Variants in FTCDNL1 observed in about 807,000 individuals in gnomAD.
The protein encoded by FTCDNL1 is formiminotransferase N-terminal subdomain-containing protein.
In FTCDNL1, 11 loss-of-function variants were observed where a neutral mutation model predicts 5.9. The ratio of observed to expected loss-of-function variants is 1.87; its 90% confidence interval spans 1.18 to 3.10. The LOEUF is 3.10. FTCDNL1 is among the 30% of genes most tolerant of loss of function. FTCDNL1 has a pLI of 0.00. For synonymous variants in FTCDNL1, 58 were observed against 24.8 expected, an observed-to-expected ratio of 2.34 and a Z score of -3.99; for missense variants, 115 against 65.5, an observed-to-expected ratio of 1.76 and a Z score of -2.61.
intron 3 of FTCDNL1, among the ~76,000 whole-genome samples, chr2:199,842,497 TGTGTGA>T (rs2076617295): frequency 6.6e-6 from 1 of 152,206 alleles, no homozygotes; most frequent in Non-Finnish European, 1.5e-5. Flanking sequence ...TGCAAAATTA[TGTGTGA>T]GTGTATGTCT....
intron 4 of FTCDNL1, among the ~76,000 whole-genome samples, chr2:199,815,843 A>G (rs566938300): frequency 6.6e-6 from 1 of 152,150 alleles, no homozygotes; most frequent in Admixed American, 6.5e-5. Context: ...CTACTAAAAT[A>G]CAAAAAATTA....
intron 3 of FTCDNL1, among the ~76,000 whole-genome samples, chr2:199,784,550 C>A (rs1327099117): frequency 6.6e-6 from 1 of 152,090 alleles, no homozygotes; most frequent in Non-Finnish European, 1.5e-5. Flanking sequence ...AAAAACAATA[C>A]CTGTCGGGGT....
At chr2:199,707,185 T>C in the FTCDNL1 span, among the ~76,000 whole-genome samples, 1 of 152,224 alleles carries the variant, frequency 6.6e-6, no homozygotes, top group East Asian at 1.9e-4. Context: ...CACTTGGCCA[T>C]GGGGCATAGA....
At chr2:199,828,208 TTTTA>T (rs759546038) in intron 3 of FTCDNL1, among the ~76,000 whole-genome samples, 6 of 152,234 alleles carry the variant, frequency 3.9e-5, no homozygotes, top group Admixed American at 6.5e-5. Flanking sequence ...TACCAAGCTA[TTTTA>T]TTTGTGATAT....
At chr2:199,832,864 C>T (rs141036928) in intron 3 of FTCDNL1, among the ~76,000 whole-genome samples, 3 of 152,104 alleles carry the variant, frequency 2.0e-5, no homozygotes, top group Non-Finnish European at 4.4e-5. Flanking sequence ...TTTACAGATA[C>T]AAAAACTCTT....
chr2:199,744,959 A>G, the FTCDNL1 span, among the ~76,000 whole-genome samples: 1 of 152,120 alleles, frequency 6.6e-6, no homozygotes, highest in Non-Finnish European at 1.5e-5. Context: ...ACTCCTGGAG[A>G]CTTTGTGCAC....
At chr2:199,804,022 C>A (rs539527162) in intron 3 of FTCDNL1, among the ~76,000 whole-genome samples, 1 of 152,236 alleles carries the variant, frequency 6.6e-6, no homozygotes, top group East Asian at 1.9e-4. Context: ...TTTTATCTTC[C>A]TTTTATCTTT....
downstream of FTCDNL1, among the ~76,000 whole-genome samples, chr2:199,756,911 C>G (rs1430767701): frequency 6.6e-6 from 1 of 152,152 alleles, no homozygotes; most frequent in Non-Finnish European, 1.5e-5. Context: ...AAACCATAAG[C>G]TGGCTCTCAA....
the FTCDNL1 span, among the ~76,000 whole-genome samples, chr2:199,752,493 T>C: frequency 1.3e-5 from 2 of 152,200 alleles, no homozygotes; most frequent in South Asian, 2.1e-4. Flanking sequence ...GCATCCATAA[T>C]GTAGGTGAGC....
rs71403491 is a variant in FTCDNL1, at chr2:199,803,191, C to CAA, written c.212-42358_212-42357dup. ...CCTGGGTGATGGAGGAATACCGTCT[C>CAA]AAAAAAAAAAAAAAAAAAAAAGACC... On this transcript the variant is annotated intron_variant, in intron 3 of 3. Transcript: ENST00000416668. Among the ~76,000 whole-genome samples, 606 of 69,994 alleles carry CAA rather than the reference C, an allele frequency of 8.7e-3. 21 individuals are homozygous for CAA. The highest frequency in any genetic ancestry group is 0.028 in the East Asian group (74 of 2,610). The allele number at this position is 69,994 out of a possible 152,430, so 45.9% of individuals were successfully genotyped here. A position where few individuals can be genotyped will look rare whatever the true frequency, so the allele number is the denominator to read the frequency against.
chr2:199,757,307 G>GAA (rs147979512), downstream of FTCDNL1, among the ~76,000 whole-genome samples: 1 of 151,806 alleles, frequency 6.6e-6, no homozygotes, highest in East Asian at 1.9e-4. Context: ...AAACAAATAG[G>GAA]AAAAAAAATC....
the FTCDNL1 span, among the ~76,000 whole-genome samples, chr2:199,686,839 C>T: frequency 1.3e-5 from 2 of 152,140 alleles, no homozygotes; most frequent in Admixed American, 6.6e-5. Context: ...AAAAACAACA[C>T]TGAGCTCAGC....
the FTCDNL1 span, among the ~76,000 whole-genome samples, chr2:199,733,069 T>C: frequency 1.3e-5 from 2 of 152,172 alleles, no homozygotes; most frequent in Non-Finnish European, 1.5e-5. Context: ...GTACAGACTA[T>C]TAGAGGGAAG....
At chr2:199,738,348 G>A in the FTCDNL1 span, among the ~76,000 whole-genome samples, 17 of 152,242 alleles carry the variant, frequency 1.1e-4, no homozygotes, top group Non-Finnish European at 1.6e-4. Context: ...AGGAAAGCAC[G>A]TAAAGCATTA....
At chr2:199,784,874 A>T (rs1187375097) in intron 3 of FTCDNL1, among the ~76,000 whole-genome samples, 1 of 152,248 alleles carries the variant, frequency 6.6e-6, no homozygotes, top group East Asian at 1.9e-4. Flanking sequence ...AGGATAGCCT[A>T]CAGCATTCAA....
intron 3 of FTCDNL1, among the ~76,000 whole-genome samples, chr2:199,829,187 A>T (rs1702214833): frequency 6.6e-6 from 1 of 152,132 alleles, no homozygotes; most frequent in Non-Finnish European, 1.5e-5. Context: ...AGTTTTTTTT[A>T]GGTTATTTTT....
intron 3 of FTCDNL1, among the ~76,000 whole-genome samples, chr2:199,778,071 A>G (rs1261760959): frequency 6.6e-6 from 1 of 152,218 alleles, no homozygotes; most frequent in Admixed American, 6.5e-5. Context: ...CACTTAAAAC[A>G]GGTGGTCCAA....
the FTCDNL1 span, among the ~76,000 whole-genome samples, chr2:199,743,333 G>A: frequency 1.6e-3 from 242 of 152,336 alleles, no homozygotes; most frequent in African/African-American, 5.3e-3. Flanking sequence ...AAACCAAGCA[G>A]TCTTTAGAAG....
At chr2:199,716,186 T>C in the FTCDNL1 span, among the ~76,000 whole-genome samples, 1 of 152,126 alleles carries the variant, frequency 6.6e-6, no homozygotes, top group Non-Finnish European at 1.5e-5. Flanking sequence ...CTTTCAAAAA[T>C]GTATTAATTT....
Sources: allele counts gnomAD v4.1 joint callset (sites outside exome capture counted in the v4.1 genomes callset), GRCh38; gene constraint gnomAD v4.1.1; transcripts MANE v1.5; gene names NCBI Gene and HGNC (gene_info 2026-07-23, HGNC 2026-07-21).